Variants in KRT73 observed in about 807,000 individuals in gnomAD.
KRT73 encodes the protein keratin 73, also known as keratin, type II cytoskeletal 73.
In KRT73, 44 loss-of-function variants were observed where a neutral mutation model predicts 47.2. That is an observed-to-expected ratio of 0.93 (90% CI 0.73 to 1.20). KRT73 has a LOEUF of 1.20. Ranked by LOEUF, KRT73 falls within the 50% of genes most tolerant of loss-of-function variation. KRT73 has a pLI of 0.00. For missense variants in KRT73, 713 were observed against 704.5 expected, an observed-to-expected ratio of 1.01 and a Z score of -0.14; for synonymous variants, 285 against 291.3, an observed-to-expected ratio of 0.98 and a Z score of 0.22.
At chr12:52,619,966 A>C (rs1397562534), upstream of KRT73, among the ~76,000 whole-genome samples, 4 of 151,932 alleles carry the variant, frequency 2.6e-5, no homozygotes, top group African/African-American at 9.7e-5. Context: ...GCCAAATTCA[A>C]CCTCCCCTCT....
At chr12:52,619,135 G>A (rs991705200), upstream of KRT73, among the ~76,000 whole-genome samples, 18 of 152,360 alleles carry the variant, frequency 1.2e-4, 1 homozygote, top group Middle Eastern at 3.4e-3. Context: ...CTCCCAGGCA[G>A]CTCTCCTGCT....
chr12:52,613,162 T>A (rs1404790411), intron 5 of KRT73, among the ~76,000 whole-genome samples: 2 of 152,166 alleles, frequency 1.3e-5, no homozygotes, highest in Non-Finnish European at 2.9e-5. Flanking sequence ...GCCATCTTGA[T>A]CTGAGAAACC....
chr12:52,613,942 A>G, intron 4 of KRT73, 90 bp from the exon 5 acceptor site: 2 of 1,516,328 alleles, frequency 1.3e-6, no homozygotes, highest in Non-Finnish European at 1.8e-6. Context: ...ATGGCCCTAG[A>G]CCATCCCACA....
chr12:52,614,033 T>C, intron 4 of KRT73, 181 bp from the exon 5 acceptor site: 2 of 820,776 alleles, frequency 2.4e-6, no homozygotes, highest in Non-Finnish European at 3.6e-6. Flanking sequence ...TGAAAACTGC[T>C]GAATGGGTTT....
chr12:52,612,849 T>G (rs1405344543), intron 5 of KRT73: 1 of 152,250 alleles, frequency 6.6e-6, no homozygotes, highest in Non-Finnish European at 1.5e-5. Flanking sequence ...TTGAACTCCC[T>G]GGGCCCTACG....
chr12:52,620,191 G>A (rs960268498), upstream of KRT73, among the ~76,000 whole-genome samples: 2 of 133,282 alleles, frequency 1.5e-5, no homozygotes, highest in Non-Finnish European at 3.0e-5. Context: ...TCGGCTCATC[G>A]CAACCTCCAC....
chr12:52,609,512 A>G (rs1940651285), intron 7 of KRT73, among the ~76,000 whole-genome samples: 1 of 152,184 alleles, frequency 6.6e-6, no homozygotes. Context: ...AACCCCCAAC[A>G]ACATTACCAC....
At chr12:52,626,104 G>C in the KRT73 span, among the ~76,000 whole-genome samples, 3 of 152,178 alleles carry the variant, frequency 2.0e-5, no homozygotes, top group African/African-American at 7.2e-5. Context: ...TCAATATCCT[G>C]GTTGTGATAT....
At chr12:52,608,738 G>A (rs999075840) in intron 8 of KRT73, among the ~76,000 whole-genome samples, 1 of 152,194 alleles carries the variant, frequency 6.6e-6, no homozygotes, top group African/African-American at 2.4e-5. Context: ...AAGCCAGCAG[G>A]TTCTTGCATT....
chr12:52,613,194 C>G (rs1364596970), intron 5 of KRT73, among the ~76,000 whole-genome samples: 1 of 152,216 alleles, frequency 6.6e-6, no homozygotes, highest in Non-Finnish European at 1.5e-5. Context: ...AGAATCACTT[C>G]CCACCCACTA....
the KRT73 span, among the ~76,000 whole-genome samples, chr12:52,626,605 A>G: frequency 6.6e-6 from 1 of 152,084 alleles, no homozygotes; most frequent in South Asian, 2.1e-4. Flanking sequence ...GGGAAATGTC[A>G]TCTTTGGGTG....
At chr12:52,615,197 G>C (rs1940791243) in intron 3 of KRT73, 82 bp downstream of exon 3, 1 of 1,219,168 alleles carries the variant, frequency 8.2e-7, no homozygotes, top group South Asian at 1.4e-5. Context: ...CTTCTGCGGG[G>C]GGCTCAGACC....
At chr12:52,615,409 T>C in intron 2 of KRT73, 70 bp from the exon 3 acceptor site, 1 of 1,277,980 alleles carries the variant, frequency 7.8e-7, no homozygotes, top group East Asian at 2.3e-5. Context: ...CATAGTGAAA[T>C]GAGAAAAGAG....
At position 52,616,319 on chromosome 12, in the gene KRT73, A is replaced by T. The variant is rs1940812746; in HGVS notation, c.509T>A (p.Leu170Gln). The change falls in exon 2 of 9, where the codon CTG (leucine) becomes CAG (glutamine). Residue 170 changes from leucine to glutamine, a missense_variant. Coordinates refer to ENST00000305748, the MANE Select transcript of KRT73 (RefSeq NM_175068.3). ...LETKWELLQQLDLNNCKNNLE... is the reference protein window; with the variant it reads ...LETKWELLQQQDLNNCKNNLE... ...GTTATTCTTGCAGTTGTTCAGGTCC[A>T]GCTGCTGTAGCAGCTCCCACTTGGT... is the stretch of plus-strand genomic sequence containing the variant. 6.2e-7 allele frequency: 1 copy of T among 1,614,062 alleles called. No individual in the cohort carries two copies. Among genetic ancestry groups the T allele is most frequent in the African/African-American group, 1.3e-5 (1 of 74,928 alleles).
intron 5 of KRT73, 123 bp downstream of exon 5, chr12:52,613,565 G>A: frequency 6.6e-7 from 1 of 1,518,246 alleles, no homozygotes; most frequent in Non-Finnish European, 8.8e-7. Context: ...TTCCCCCAGT[G>A]CCCAGGAGAG....
rs1454702889 is a variant in KRT73, at chr12:52,618,330, A to C, written c.195T>G (p.Ser65Arg). 1 of 1,614,018 alleles carries C rather than the reference A, an allele frequency of 6.2e-7. No individual in the cohort carries two copies. The highest frequency in any genetic ancestry group is 1.3e-5 in the African/African-American group (1 of 74,924). The change falls in exon 1 of 9, where the codon AGT becomes AGG. Residue 65 changes from serine (S) to arginine (R), a missense_variant. Transcript: ENST00000305748. ...CAAATCCATAGCCTCCTGCCCACCC[A>C]CTGCCACTGGCCACATTGAAAGAGA... ...RSISFNVASG[S>R]GWAGGYGFGR...
At chr12:52,613,400 G>C in intron 5 of KRT73, 1 of 292,972 alleles carries the variant, frequency 3.4e-6, no homozygotes, top group African/African-American at 2.1e-5. Flanking sequence ...TGCCTCCAGG[G>C]AGTGGTTTCT....
At chr12:52,615,211 G>A (rs1342674403) in intron 3 of KRT73, 68 bp downstream of exon 3, 1 of 1,390,884 alleles carries the variant, frequency 7.2e-7, no homozygotes, top group Admixed American at 1.8e-5. Context: ...TCAGACCTCA[G>A]CTGCTCCTCT....
upstream of KRT73, among the ~76,000 whole-genome samples, chr12:52,622,224 G>A (rs772978452): frequency 3.9e-5 from 6 of 152,148 alleles, no homozygotes; most frequent in African/African-American, 1.2e-4. Context: ...CAATAAACAT[G>A]CTTAAATGAA....
Sources: allele counts gnomAD v4.1 joint callset (sites outside exome capture counted in the v4.1 genomes callset), GRCh38; gene constraint gnomAD v4.1.1; transcripts MANE v1.5; gene names NCBI Gene and HGNC (gene_info 2026-07-23, HGNC 2026-07-21).